Variants in SAMMSON observed in about 807,000 individuals in gnomAD.
SAMMSON encodes the protein survival associated mitochondrial melanoma specific oncogenic non-coding RNA.
At chr3:70,209,502 A>G (rs1701321716) in intron 4 of SAMMSON, among the ~76,000 whole-genome samples, 1 of 152,082 alleles carries the variant, frequency 6.6e-6, no homozygotes, top group Non-Finnish European at 1.5e-5. Flanking sequence ...GCCTCCTTGA[A>G]CAGATGGGAA....
At chr3:70,198,082 A>T (rs192661939) in intron 4 of SAMMSON, among the ~76,000 whole-genome samples, 1 of 152,190 alleles carries the variant, frequency 6.6e-6, no homozygotes, top group East Asian at 1.9e-4. Context: ...AAGTTAAAAA[A>T]GTCTAAAAAA....
chr3:70,214,766 A>G (rs189078843), intron 4 of SAMMSON, among the ~76,000 whole-genome samples: 22 of 152,232 alleles, frequency 1.4e-4, no homozygotes, highest in African/African-American at 4.8e-4. Context: ...AGATAGTTGA[A>G]TCTTCTTCAG....
rs568697450 is a variant in SAMMSON at position 70,268,404 on chromosome 3, G to T, written n.674+18734G>T. On this transcript the variant is annotated intron_variant and non_coding_transcript_variant, in intron 6 of 9. Transcript: ENST00000642114. ...GCAGGAGAATCACTTGAACCCGGGA[G>T]GCGGAGGTGGCAGTGAGCAGAGATC... is the stretch of plus-strand genomic sequence containing the variant. 4.0e-5 allele frequency among the ~76,000 whole-genome samples: 6 copies of T among 151,326 alleles called. No individual in the cohort carries two copies. The East Asian group carries it at 9.7e-4, about 25-fold the overall frequency.
chr3:70,236,839 TC>T (rs374142204), intron 4 of SAMMSON, among the ~76,000 whole-genome samples: 6 of 152,108 alleles, frequency 3.9e-5, no homozygotes, highest in African/African-American at 1.2e-4. Context: ...CAAGTGATTC[TC>T]CCTGCCTCAG....
chr3:70,192,040 C>T (rs1173484064), intron 4 of SAMMSON, among the ~76,000 whole-genome samples: 1 of 152,046 alleles, frequency 6.6e-6, no homozygotes, highest in Non-Finnish European at 1.5e-5. Context: ...GAGAACACAT[C>T]AATCTCTCTG....
intron 6 of SAMMSON, among the ~76,000 whole-genome samples, chr3:70,267,736 G>T (rs541630326): frequency 6.6e-6 from 1 of 152,072 alleles, no homozygotes; most frequent in African/African-American, 2.4e-5. Context: ...TTTTTTAATG[G>T]CAGCTTCACA....
chr3:70,236,795 T>C (rs1701614369), intron 4 of SAMMSON, among the ~76,000 whole-genome samples: 1 of 152,102 alleles, frequency 6.6e-6, no homozygotes, highest in African/African-American at 2.4e-5. Flanking sequence ...GGGGTCTTTG[T>C]ATGTTGCCCA....
intron 7 of SAMMSON, among the ~76,000 whole-genome samples, chr3:70,317,596 G>A (rs112103727): frequency 9.3e-5 from 14 of 150,516 alleles, no homozygotes; most frequent in African/African-American, 2.9e-4. Context: ...GTATCTGTAT[G>A]TATATATATA....
intron 3 of SAMMSON, among the ~76,000 whole-genome samples, chr3:70,015,782 C>T (rs1367988124): frequency 6.6e-6 from 1 of 152,086 alleles, no homozygotes; most frequent in Non-Finnish European, 1.5e-5. Flanking sequence ...TCTCATTGTT[C>T]AATTCCCACC....
intron 4 of SAMMSON, among the ~76,000 whole-genome samples, chr3:70,218,659 C>T (rs377027744): frequency 2.0e-5 from 3 of 152,002 alleles, no homozygotes; most frequent in Non-Finnish European, 4.4e-5. Flanking sequence ...CACCTCCCAG[C>T]AGAACTATTC....
chr3:70,045,083 T>G (rs2067120423), intron 3 of SAMMSON, among the ~76,000 whole-genome samples: 1 of 78,722 alleles, frequency 1.3e-5, no homozygotes, highest in Non-Finnish European at 2.2e-5. Flanking sequence ...AATTAATATA[T>G]ATAATTAATT....
At chr3:70,198,211 GA>G (rs1298807444) in intron 4 of SAMMSON, among the ~76,000 whole-genome samples, 2 of 152,050 alleles carry the variant, frequency 1.3e-5, no homozygotes, top group Non-Finnish European at 2.9e-5. Context: ...ATGAATTAGA[GA>G]AAAAATTTCT....
At chr3:70,039,593 TCACACACACACACACACA>T (rs56058406) in intron 3 of SAMMSON, among the ~76,000 whole-genome samples, 83 of 135,704 alleles carry the variant, frequency 6.1e-4, no homozygotes, top group African/African-American at 1.5e-3. Context: ...ACACATCTCT[TCACACACACACACACACA>T]CACACACACA....
chr3:70,026,451 G>T (rs2067037350), intron 3 of SAMMSON, among the ~76,000 whole-genome samples: 1 of 151,970 alleles, frequency 6.6e-6, no homozygotes, highest in Admixed American at 6.6e-5. Flanking sequence ...CTGAAATCAA[G>T]ATTTCCTGCT....
At chr3:70,381,068 A>G (rs995921039) in intron 9 of SAMMSON, among the ~76,000 whole-genome samples, 1 of 152,184 alleles carries the variant, frequency 6.6e-6, no homozygotes, top group Admixed American at 6.6e-5. Flanking sequence ...CAGTAATGAG[A>G]CTGCTGTGTC....
intron 2 of SAMMSON, among the ~76,000 whole-genome samples, chr3:70,428,911 C>G (rs1701392171): frequency 6.6e-6 from 1 of 152,104 alleles, no homozygotes; most frequent in African/African-American, 2.4e-5. Context: ...ACAGTGATGA[C>G]TAGGTTAAAA....
chr3:70,304,947 A>G (rs1702385565), intron 7 of SAMMSON, among the ~76,000 whole-genome samples: 1 of 151,590 alleles, frequency 6.6e-6, no homozygotes, highest in Admixed American at 6.6e-5. Context: ...AGCTACTCTG[A>G]GCTGTACTAT....
chr3:70,218,644 C>T (rs1443669305), intron 4 of SAMMSON, among the ~76,000 whole-genome samples: 2 of 152,024 alleles, frequency 1.3e-5, no homozygotes, highest in African/African-American at 4.8e-5. Flanking sequence ...ACTTGGGTGG[C>T]ATAACACCTC....
At chr3:70,273,284 A>G (rs1396108764) in intron 6 of SAMMSON, among the ~76,000 whole-genome samples, 1 of 152,226 alleles carries the variant, frequency 6.6e-6, no homozygotes, top group Admixed American at 6.5e-5. Flanking sequence ...AGTCGACTCA[A>G]CAATTTCTCT....
Sources: gnomAD v4.1 joint callset for allele counts (sites outside exome capture counted in the v4.1 genomes callset) on GRCh38, gnomAD v4.1.1 for gene constraint, MANE v1.5 for transcripts, NCBI Gene and HGNC (gene_info 2026-07-23, HGNC 2026-07-21) for gene names.